Variants in ACP6 observed in about 807,000 individuals in gnomAD.
ACP6 encodes the protein lysophosphatidic acid phosphatase type 6.
In ACP6, 48 loss-of-function variants were observed where a neutral mutation model predicts 48.1. The observed-to-expected ratio is 1.00, with a 90% CI of 0.79 to 1.27. ACP6 has a LOEUF of 1.27. Ranked by LOEUF, ACP6 falls within the 50% of genes most tolerant of loss-of-function variation. The pLI, the probability that ACP6 is intolerant of heterozygous loss-of-function variation, is 0.00. For synonymous variants in ACP6, 172 were observed against 204.2 expected (o/e 0.84, Z 1.34); for missense variants, 485 against 529.1 (o/e 0.92, Z 0.82).
rs1362671810 is a variant in ACP6, at chr1:147,645,897, A to C, written c.*1526T>G. The C allele has an allele frequency of 1.3e-5, 2 of 152,234 alleles. No individual in the cohort carries two copies. Among genetic ancestry groups the C allele is most frequent in the African/African-American group, 4.8e-5 (2 of 41,448 alleles). The allele number at this position is 152,234 out of a possible 1,614,324, so 9.4% of individuals were successfully genotyped here. On this transcript the variant is annotated 3_prime_UTR_variant, in exon 10 of 10. Transcript: ENST00000583509. ...GAAAAAAATTGACAATCCAGAAAAAAGACACTAGGAGTCAATGTAAAGCTA... is the reference window on the plus strand; with the variant it reads ...GAAAAAAATTGACAATCCAGAAAAACGACACTAGGAGTCAATGTAAAGCTA...
intron 5 of ACP6, among the ~76,000 whole-genome samples, chr1:147,654,952 C>T (rs1157913180): frequency 6.6e-6 from 1 of 152,202 alleles, no homozygotes; most frequent in Non-Finnish European, 1.5e-5. Context: ...TCCCAGAATT[C>T]CTGGCCTTCA....
chr1:147,645,664 G>A lies in ACP6; in HGVS notation c.*1759C>T, dbSNP rs1333132182. 1 of 152,196 alleles carries A rather than the reference G, an allele frequency of 6.6e-6. No individual in the cohort carries two copies. Among genetic ancestry groups the A allele is most frequent in the East Asian group, 1.9e-4 (1 of 5,194 alleles). The allele number at this position is 152,196 out of a possible 1,614,324, so 9.4% of individuals were successfully genotyped here. On this transcript the variant is annotated 3_prime_UTR_variant, in exon 10 of 10. Transcript: ENST00000583509. ...CAAAGGCTATTGATGATTTTGACAA[G>A]AGCAGTTTCCATGGAGTGGTGGGGG...
chr1:147,667,465 C>T (rs924614912), intron 1 of ACP6, among the ~76,000 whole-genome samples: 6 of 152,222 alleles, frequency 3.9e-5, no homozygotes, highest in Admixed American at 1.3e-4. Flanking sequence ...ATCCACCTGC[C>T]TCAGCCTCCC....
rs781900285 is a variant in ACP6 at position 147,648,359 on chromosome 1, T to A, written c.1030A>T (p.Thr344Ser). ...CATTTGTGGTCAAAAATCCCCAGGG[T>A]CATTAAGAGCGGTATGAAGGTCACA... ...HDVTFIPLLM[T>S]LGIFDHKWPP... Residue 344 changes from threonine (T) to serine (S), a missense_variant, in exon 9 of 10, where the codon ACC becomes TCC. Coordinates refer to ENST00000583509, the MANE Select transcript of ACP6 (RefSeq NM_016361.5). The A allele has an allele frequency of 1.9e-6, 3 of 1,614,006 alleles. No homozygotes were observed. Among genetic ancestry groups the A allele is most frequent in the Non-Finnish European group, 2.5e-6 (3 of 1,179,996 alleles).
intron 5 of ACP6, among the ~76,000 whole-genome samples, chr1:147,636,387 A>T (rs944187782): frequency 6.6e-6 from 1 of 152,220 alleles, no homozygotes; most frequent in Non-Finnish European, 1.5e-5. Flanking sequence ...GATCACAAGA[A>T]GCGGGACAGG....
chr1:147,654,683 C>T (rs1224573375), intron 5 of ACP6, among the ~76,000 whole-genome samples: 3 of 152,252 alleles, frequency 2.0e-5, no homozygotes, highest in South Asian at 2.1e-4. Context: ...CCTAGAGATA[C>T]CTGAAAAGTG....
At chr1:147,633,218 T>C (rs1346952406) in intron 5 of ACP6, among the ~76,000 whole-genome samples, 1 of 152,222 alleles carries the variant, frequency 6.6e-6, no homozygotes, top group Admixed American at 6.5e-5. Context: ...ATAAGAGCAG[T>C]CCTTCTTTCT....
intron 4 of ACP6, among the ~76,000 whole-genome samples, chr1:147,658,686 C>A (rs1258634150): frequency 4.6e-5 from 7 of 152,150 alleles, no homozygotes; most frequent in African/African-American, 1.7e-4. Context: ...GTTAGGACTG[C>A]CTTGTGCAGC....
At chr1:147,631,755 A>G (rs1304811063) in intron 5 of ACP6, among the ~76,000 whole-genome samples, 2 of 152,144 alleles carry the variant, frequency 1.3e-5, no homozygotes, top group Non-Finnish European at 2.9e-5. Context: ...CGGAGGCTGC[A>G]GTGAGCTGAG....
chr1:147,670,025 C>A lies in ACP6; in HGVS notation c.24G>T (p.Met8Ile). The A allele has an allele frequency of 6.5e-7, 1 of 1,539,746 alleles. No homozygotes were observed. Among genetic ancestry groups the A allele is most frequent in the Non-Finnish European group, 8.8e-7 (1 of 1,140,696 alleles). The change falls in exon 1 of 10, where the codon ATG becomes ATT. Residue 8 changes from methionine (M) to isoleucine (I), a missense_variant. Met to Ile is a conservative substitution (Grantham distance 10). Coordinates refer to ENST00000583509, the MANE Select transcript of ACP6 (RefSeq NM_016361.5). ...GGACGCCCACTGGGGTCCACAAGCG[C>A]ATGCTGAACACACCAGTGATCATGG... MITGVFSMRLWTPVGVLT... is the reference protein window; with the variant it reads MITGVFSIRLWTPVGVLT...
chr1:147,629,936 A>C (rs1329435084), exon 6 of ACP6: 1 of 152,244 alleles, frequency 6.6e-6, no homozygotes. Flanking sequence ...GGTAATCAAT[A>C]CTGTCAGAGG....
chr1:147,637,867 T>G (rs1161900608), downstream of ACP6, among the ~76,000 whole-genome samples: 1 of 152,204 alleles, frequency 6.6e-6, no homozygotes, highest in Admixed American at 6.5e-5. Context: ...CAGTAAGTGA[T>G]TTTCCCCAGT....
chr1:147,660,936 A>ACAT (rs1660517270), intron 1 of ACP6, among the ~76,000 whole-genome samples: 1 of 152,332 alleles, frequency 6.6e-6, no homozygotes, highest in East Asian at 1.9e-4. Context: ...ACATAGGCAT[A>ACAT]CATCATTTTA....
At chr1:147,638,425 A>C (rs1245421898), downstream of ACP6, among the ~76,000 whole-genome samples, 1 of 152,200 alleles carries the variant, frequency 6.6e-6, no homozygotes, top group South Asian at 2.1e-4. Flanking sequence ...GTGTTTAACC[A>C]CTGGGCTTCT....
At chr1:147,666,137 C>T (rs370351272) in intron 1 of ACP6, among the ~76,000 whole-genome samples, 3 of 152,274 alleles carry the variant, frequency 2.0e-5, no homozygotes, top group East Asian at 3.9e-4. Context: ...AGACTTGGCA[C>T]CCAGCTTCCT....
intron 1 of ACP6, among the ~76,000 whole-genome samples, chr1:147,666,639 CCAGAT>C (rs1400191554): frequency 6.6e-6 from 1 of 152,152 alleles, no homozygotes; most frequent in East Asian, 1.9e-4. Context: ...GCTCTTCAGT[CCAGAT>C]AATTCTCAAG....
In ACP6 at chr1:147,669,798, C is replaced by T. The variant is rs112064967; in HGVS notation, c.219+32G>A. The T allele has an allele frequency of 2.4e-3, 3,726 of 1,537,630 alleles. 81 individuals are homozygous for T. The African/African-American group carries it at 0.045, about 19-fold the overall frequency. On this transcript the variant is annotated intron_variant, in intron 1 of 9. Coordinates refer to ENST00000583509, the MANE Select transcript of ACP6 (RefSeq NM_016361.5). ...TCCTGGCCTGGCACACGGTCCTCGC[C>T]CCACCAGCCCCAGCCCGGGCCGACC...
downstream of ACP6, among the ~76,000 whole-genome samples, chr1:147,642,046 T>C (rs781836371): frequency 2.6e-4 from 40 of 152,234 alleles, no homozygotes; most frequent in Non-Finnish European, 5.1e-4. Flanking sequence ...CGTATCATTA[T>C]GCCCATTTTT....
At chr1:147,650,050 G>A (rs988529500) in intron 8 of ACP6, 93 bp downstream of exon 8, 11 of 1,047,320 alleles carry the variant, frequency 1.1e-5, no homozygotes, top group South Asian at 2.8e-5. Flanking sequence ...CTGACAGCCT[G>A]GTTCTTGCCT....
Sources: gnomAD v4.1 joint callset for allele counts (sites outside exome capture counted in the v4.1 genomes callset) on GRCh38, gnomAD v4.1.1 for gene constraint, MANE v1.5 for transcripts, NCBI Gene and HGNC (gene_info 2026-07-23, HGNC 2026-07-21) for gene names.